NIPA1: variants seen among roughly 807,000 people sequenced by gnomAD.
The protein encoded by NIPA1 is magnesium transporter NIPA1.
A neutral mutation model predicts 23.9 loss-of-function variants in NIPA1; 13 were observed. The observed-to-expected ratio is 0.54, with a 90% CI of 0.35 to 0.87. The LOEUF is 0.87. NIPA1 is among the 40% of genes least tolerant of loss of function. The probability of loss-of-function intolerance (pLI) is 0.01; values close to 1 mark genes in which losing one functional copy is unlikely to be tolerated. For missense variants in NIPA1, 362 were observed against 429.7 expected (o/e 0.84, Z 1.39); for synonymous variants, 234 against 202.9 (o/e 1.15, Z -1.30).
chr15:22,804,195 G>C (rs2099404), intron 1 of NIPA1, among the ~76,000 whole-genome samples: 110,962 of 151,736 alleles, frequency 0.73, 42,147 homozygotes, highest in African/African-American at 0.93. Flanking sequence ...CCAGGCTGGT[G>C]TCGAACCCCT....
rs149497249 is a variant in NIPA1, at chr15:22,811,698, T to C, written c.227-465T>C. Among the ~76,000 whole-genome samples, 289 of 152,322 alleles carry C rather than the reference T, an allele frequency of 1.9e-3. 2 individuals carry two copies. The highest frequency in any genetic ancestry group is 6.7e-3 in the African/African-American group (280 of 41,566). ...ATACCAATTCTGTTCCTTGAAGAGCTCCTCTTTAAGCTCCATCTGGGTGAT... is the reference window on the plus strand; with the variant it reads ...ATACCAATTCTGTTCCTTGAAGAGCCCCTCTTTAAGCTCCATCTGGGTGAT... On this transcript the variant is annotated intron_variant, in intron 2 of 4. Transcript: ENST00000337435.
intron 1 of NIPA1, among the ~76,000 whole-genome samples, chr15:22,798,291 G>A (rs1278204199): frequency 2.0e-5 from 3 of 147,172 alleles, no homozygotes; most frequent in Admixed American, 6.8e-5. Flanking sequence ...CCAGGCTGGA[G>A]TGCAGTGGCG....
rs932744548 is a variant in NIPA1 at position 22,827,569 on chromosome 15, A to G, written c.*3330A>G. ...GCAGCTCTTTGTTCAGCAATAAGGA[A>G]TATTCTTTCAATTCCTGCTCTTCAA... On this transcript the variant is annotated 3_prime_UTR_variant, in exon 5 of 5. Coordinates refer to ENST00000337435, the MANE Select transcript of NIPA1 (RefSeq NM_144599.5). 2.6e-5 allele frequency: 4 copies of G among 152,180 alleles called. No individual in the cohort carries two copies. The highest frequency in any genetic ancestry group is 9.7e-5 in the African/African-American group (4 of 41,448). 9.4% of individuals were successfully genotyped at this position (152,180 alleles called of 1,614,324 possible).
chr15:22,789,261 T>C (rs1325092846), intron 1 of NIPA1, among the ~76,000 whole-genome samples: 1 of 152,152 alleles, frequency 6.6e-6, no homozygotes, highest in Non-Finnish European at 1.5e-5. Context: ...AATGCTGGGA[T>C]TACAGGCGTG....
At chr15:22,816,337 T>A (rs1349657656) in intron 3 of NIPA1, among the ~76,000 whole-genome samples, 2 of 150,202 alleles carry the variant, frequency 1.3e-5, no homozygotes, top group African/African-American at 2.5e-5. Context: ...TACAGGCGCG[T>A]ACCACCATGC....
At chr15:22,806,129 T>A (rs978578589) in intron 1 of NIPA1, among the ~76,000 whole-genome samples, 15 of 152,212 alleles carry the variant, frequency 9.9e-5, no homozygotes, top group African/African-American at 3.6e-4. Flanking sequence ...TTCACCGTGT[T>A]AGCCAGGATG....
chr15:22,814,326 C>T (rs199795734), intron 3 of NIPA1, among the ~76,000 whole-genome samples: 1 of 150,834 alleles, frequency 6.6e-6, no homozygotes, highest in Non-Finnish European at 1.5e-5. Flanking sequence ...GGCACGATCT[C>T]GGCTCACTGC....
At chr15:22,792,288 G>A (rs184676078) in intron 1 of NIPA1, among the ~76,000 whole-genome samples, 3 of 152,312 alleles carry the variant, frequency 2.0e-5, no homozygotes, top group African/African-American at 4.8e-5. Context: ...TGAGGGGTTC[G>A]CATGGCTGCC....
intron 1 of NIPA1, among the ~76,000 whole-genome samples, chr15:22,789,449 G>C (rs1044112970): frequency 3.3e-5 from 5 of 152,166 alleles, no homozygotes; most frequent in African/African-American, 1.2e-4. Context: ...TGGACCCAAG[G>C]TCCTTTCCAT....
Position 22,812,189 on chromosome 15 carries a change from C to T in NIPA1, c.253C>T (p.Leu85=). 3 of 1,613,656 alleles carry T rather than the reference C, an allele frequency of 1.9e-6. No individual in the cohort carries two copies. Among genetic ancestry groups the T allele is most frequent in the Non-Finnish European group, 2.5e-6 (3 of 1,179,728 alleles). ...GGCTGTTGGCCAGATTGGAAACTTC[C>T]TGGCTTACACGGCGGTCCCCACGGT... ...AMAVGQIGNF[L]AYTAVPTVLV... is the part of the protein sequence containing the mutation. Residue 85 remains leucine (L), a synonymous_variant, in exon 3 of 5, where the codon CTG becomes TTG. Coordinates refer to ENST00000337435, the MANE Select transcript of NIPA1 (RefSeq NM_144599.5).
intron 1 of NIPA1, among the ~76,000 whole-genome samples, chr15:22,788,170 C>T (rs570085264): frequency 6.6e-6 from 1 of 152,130 alleles, no homozygotes; most frequent in South Asian, 2.1e-4. Flanking sequence ...ACGGCCCTAG[C>T]GTAAGCATGA....
intron 1 of NIPA1, among the ~76,000 whole-genome samples, chr15:22,802,305 G>A (rs1311243787): frequency 4.0e-5 from 6 of 149,198 alleles, no homozygotes; most frequent in Middle Eastern, 3.5e-3. Flanking sequence ...GGCAGGAAAA[G>A]CACTTGAACC....
In NIPA1 at chr15:22,794,075, T is replaced by C. The variant is rs79239380; in HGVS notation, c.178+7241T>C. ...CTCTTTTTTGGCTTCATATGAATTT[T>C]TTTTTTCTATTTCCCTGAAAAATAT... is the stretch of plus-strand genomic sequence containing the variant. On this transcript the variant is annotated intron_variant, in intron 1 of 4. Transcript: ENST00000337435. Among the ~76,000 whole-genome samples the C allele has an allele frequency of 5.4e-3, 815 of 152,176 alleles. 8 individuals are homozygous for C. Among genetic ancestry groups the C allele is most frequent in the African/African-American group, 0.019 (779 of 41,522 alleles).
intron 1 of NIPA1, among the ~76,000 whole-genome samples, chr15:22,807,018 A>G (rs1056238195): frequency 3.9e-5 from 6 of 152,128 alleles, no homozygotes; most frequent in Non-Finnish European, 1.5e-5. Flanking sequence ...AATTTTGCCT[A>G]ATACTGGTTT....
intron 1 of NIPA1, among the ~76,000 whole-genome samples, chr15:22,799,968 AAAAG>A (rs1895038768): frequency 8.1e-6 from 1 of 123,884 alleles, no homozygotes; most frequent in Non-Finnish European, 1.8e-5. Flanking sequence ...AAAAAAAAAA[AAAAG>A]GGAAAGAAAA....
chr15:22,786,629 G>GCAGGCT (rs932202280), upstream of NIPA1: 4 of 927,170 alleles, frequency 4.3e-6, no homozygotes, highest in Non-Finnish European at 5.2e-6. Context: ...GCGCGCAGGC[G>GCAGGCT]CAGGCTCGGA....
chr15:22,815,300 G>C (rs969233783), intron 3 of NIPA1, among the ~76,000 whole-genome samples: 8 of 152,106 alleles, frequency 5.3e-5, no homozygotes, highest in Non-Finnish European at 1.0e-4. Context: ...CAATTGACCT[G>C]TTATGCCATT....
chr15:22,821,506 G>A (rs1662083738), intron 4 of NIPA1, among the ~76,000 whole-genome samples: 1 of 150,006 alleles, frequency 6.7e-6, no homozygotes, highest in South Asian at 2.1e-4. Flanking sequence ...ACACTCGCTG[G>A]TTTTCTCGTC....
rs921927732 is a variant in NIPA1 at position 22,826,181 on chromosome 15, A to G, written c.*1942A>G. On this transcript the variant is annotated 3_prime_UTR_variant, in exon 5 of 5. Transcript: ENST00000337435. ...GGCTAAATAAAATGAGACTAGTTTA[A>G]TATAGAGAGAAAAATACCTTTATGG... 2.6e-5 allele frequency: 4 copies of G among 152,212 alleles called. No individual in the cohort carries two copies. Among genetic ancestry groups the G allele is most frequent in the Non-Finnish European group, 5.9e-5 (4 of 68,038 alleles). 9.4% of individuals were successfully genotyped at this position (152,212 alleles called of 1,614,324 possible). A position where few individuals can be genotyped will look rare whatever the true frequency, so the allele number is the denominator to read the frequency against.
Sources: gnomAD v4.1 joint callset for allele counts (sites outside exome capture counted in the v4.1 genomes callset) on GRCh38, gnomAD v4.1.1 for gene constraint, MANE v1.5 for transcripts, NCBI Gene and HGNC (gene_info 2026-07-23, HGNC 2026-07-21) for gene names.